NKAIN3: variants seen among roughly 807,000 people sequenced by gnomAD.
NKAIN3 encodes sodium/potassium-transporting ATPase subunit beta-1-interacting protein 3.
NKAIN3 carries 25 observed loss-of-function variants against 30.2 expected under a neutral mutation model. That is an observed-to-expected ratio of 0.83 (90% CI 0.60 to 1.16). The LOEUF (loss-of-function observed/expected upper bound fraction) is 1.16, where lower values mean the gene tolerates loss of function less well. Ranked by LOEUF, NKAIN3 falls within the 50% of genes most tolerant of loss-of-function variation. The pLI, the probability that NKAIN3 is intolerant of heterozygous loss-of-function variation, is 0.00. For synonymous variants in NKAIN3, 91 were observed against 89.6 expected (o/e 1.02, Z -0.09); for missense variants, 225 against 254.1 (o/e 0.89, Z 0.78).
rs561673061 is a variant in NKAIN3, at chr8:62,481,282, C to T, written c.55-98257C>T. Among the ~76,000 whole-genome samples, 9 of 152,210 alleles carry T rather than the reference C, an allele frequency of 5.9e-5. No individual in the cohort carries two copies. In the South Asian group the frequency reaches 1.9e-3, roughly 32 times the overall value. On this transcript the variant is annotated intron_variant, in intron 1 of 6. Coordinates refer to ENST00000623646, the MANE Select transcript of NKAIN3 (RefSeq NM_001304533.3). The stretch of plus-strand genomic sequence containing the variant: ...TAATTCCTGGTGTATCCCTCACCAC[C>T]TCTGACCTGCACACCCCACCCTCTT...
rs1479569894 is a variant in NKAIN3 at position 62,980,875 on chromosome 8, A to G, written c.*15468A>G. On this transcript the variant is annotated 3_prime_UTR_variant, in exon 7 of 7. Transcript: ENST00000623646. The stretch of plus-strand genomic sequence containing the variant: ...TTTGGTGTTATGGATTTTAAGAATC[A>G]GTTGGTGTTAGAATTTTTAATAACA... 1 of 152,214 alleles carries G rather than the reference A, an allele frequency of 6.6e-6. No individual in the cohort carries two copies. The highest frequency in any genetic ancestry group is 1.5e-5 in the Non-Finnish European group (1 of 68,036). 9.4% of individuals were successfully genotyped at this position (152,214 alleles called of 1,614,324 possible).
At chr8:62,963,308 C>A (rs1170261247) in intron 6 of NKAIN3, among the ~76,000 whole-genome samples, 1 of 152,156 alleles carries the variant, frequency 6.6e-6, no homozygotes, top group Non-Finnish European at 1.5e-5. Flanking sequence ...AAAAACTCCC[C>A]ACAGACATGT....
In NKAIN3 at chr8:62,269,672, A is replaced by G. The variant is rs1812719264; in HGVS notation, c.54+20545A>G. 2.6e-5 allele frequency among the ~76,000 whole-genome samples: 4 copies of G among 152,282 alleles called. No individual in the cohort carries two copies. The South Asian group carries it at 8.3e-4, about 32-fold the overall frequency. ...CTGAAAATGTATTACTTATTAAACTATGTGGATCCACCTTAAGGTATGTTT... is the reference window on the plus strand; with the variant it reads ...CTGAAAATGTATTACTTATTAAACTGTGTGGATCCACCTTAAGGTATGTTT... On this transcript the variant is annotated intron_variant, in intron 1 of 6. Coordinates refer to ENST00000623646, the MANE Select transcript of NKAIN3 (RefSeq NM_001304533.3).
At chr8:62,822,981 G>T (rs1482994344) in intron 4 of NKAIN3, among the ~76,000 whole-genome samples, 2 of 152,126 alleles carry the variant, frequency 1.3e-5, no homozygotes, top group Admixed American at 6.6e-5. Context: ...TCTAAACATA[G>T]AACAGGTACA....
intron 5 of NKAIN3, among the ~76,000 whole-genome samples, chr8:62,929,542 C>G (rs1439455032): frequency 1.3e-5 from 2 of 152,106 alleles, no homozygotes; most frequent in Non-Finnish European, 2.9e-5. Flanking sequence ...CTGTGTTTTC[C>G]TCCTAACTGA....
At chr8:62,628,345 A>T (rs546626788) in intron 3 of NKAIN3, among the ~76,000 whole-genome samples, 2 of 152,242 alleles carry the variant, frequency 1.3e-5, no homozygotes, top group Non-Finnish European at 2.9e-5. Flanking sequence ...GATGTACTAA[A>T]GTTTTCCCGC....
At chr8:62,636,460 A>G (rs1274867036) in intron 3 of NKAIN3, among the ~76,000 whole-genome samples, 1 of 152,210 alleles carries the variant, frequency 6.6e-6, no homozygotes, top group East Asian at 1.9e-4. Context: ...ATGGTGTAAA[A>G]TGGACAATAA....
At chr8:62,372,202 T>C (rs16928781) in intron 1 of NKAIN3, among the ~76,000 whole-genome samples, 20,962 of 151,730 alleles carry the variant, frequency 0.14, 1,735 homozygotes, top group East Asian at 0.4. Context: ...GTATAGGGCA[T>C]TTACTTAAAA....
At chr8:62,431,612 T>TGG (rs1263384557) in intron 1 of NKAIN3, among the ~76,000 whole-genome samples, 1 of 151,890 alleles carries the variant, frequency 6.6e-6, no homozygotes, top group Non-Finnish European at 1.5e-5. Context: ...CCAAATAACA[T>TGG]CTTTGTGTTT....
chr8:62,820,802 G>T (rs1175458855), intron 4 of NKAIN3, among the ~76,000 whole-genome samples: 1 of 152,098 alleles, frequency 6.6e-6, no homozygotes, highest in Non-Finnish European at 1.5e-5. Flanking sequence ...TTAGGGAGCT[G>T]TAAGAATCCA....
At chr8:62,603,839 A>T (rs1811049264) in intron 3 of NKAIN3, among the ~76,000 whole-genome samples, 1 of 152,150 alleles carries the variant, frequency 6.6e-6, no homozygotes, top group African/African-American at 2.4e-5. Flanking sequence ...TTCTGAGAAG[A>T]TTAAATCAAA....
intron 1 of NKAIN3, among the ~76,000 whole-genome samples, chr8:62,500,717 G>T (rs1807421354): frequency 6.6e-6 from 1 of 152,170 alleles, no homozygotes; most frequent in Admixed American, 6.5e-5. Context: ...AAGGGACAAG[G>T]ATACTGCCGG....
chr8:62,312,876 T>C (rs559379906), intron 1 of NKAIN3, among the ~76,000 whole-genome samples: 3 of 151,574 alleles, frequency 2.0e-5, no homozygotes, highest in Non-Finnish European at 2.9e-5. Flanking sequence ...GAGTTTACAA[T>C]TGCAAGGCTT....
chr8:62,746,449 T>C (rs1042869294), intron 3 of NKAIN3, among the ~76,000 whole-genome samples: 1 of 152,212 alleles, frequency 6.6e-6, no homozygotes, highest in Non-Finnish European at 1.5e-5. Flanking sequence ...TGGAGGCAAT[T>C]ATTCAGCCTG....
Position 62,589,751 on chromosome 8 carries a change from T to G in NKAIN3, c.230T>G (p.Val77Gly). Residue 77 changes from valine to glycine, a missense_variant, in exon 3 of 7, where the codon GTG (valine) becomes GGG (glycine). Coordinates refer to ENST00000623646, the MANE Select transcript of NKAIN3 (RefSeq NM_001304533.3). ...VWTALWVTWN[V>G]FIICFYLEVG... is the part of the protein sequence containing the mutation. The stretch of plus-strand genomic sequence containing the variant: ...ACTGCCCTCTGGGTCACCTGGAATG[T>G]GTTCATTATCTGCTTTTATTTGGAA... The G allele has an allele frequency of 6.2e-7, 1 of 1,606,090 alleles. No individual in the cohort carries two copies. Among genetic ancestry groups the G allele is most frequent in the South Asian group, 1.1e-5 (1 of 90,624 alleles).
At chr8:62,479,785 G>C (rs930289537) in intron 1 of NKAIN3, among the ~76,000 whole-genome samples, 3 of 152,024 alleles carry the variant, frequency 2.0e-5, no homozygotes, top group Admixed American at 2.0e-4. Flanking sequence ...CAGAGTAAAT[G>C]TCCAGAAGTA....
rs142600023 is a variant in NKAIN3, at chr8:62,873,011, C to T, written c.472-45442C>T. Among the ~76,000 whole-genome samples, 287 of 152,142 alleles carry T rather than the reference C, an allele frequency of 1.9e-3. 3 individuals are homozygous for T. The highest frequency in any genetic ancestry group is 6.1e-3 in the African/African-American group (252 of 41,520). ...ATGACAGGATCAAATTCACACATAA[C>T]AATACTAACCTTAAATGTAAAAGAC... On this transcript the variant is annotated intron_variant, in intron 4 of 6. Transcript: ENST00000623646.
At chr8:62,420,501 G>A (rs532899576) in intron 1 of NKAIN3, among the ~76,000 whole-genome samples, 14 of 152,080 alleles carry the variant, frequency 9.2e-5, no homozygotes, top group Non-Finnish European at 1.6e-4. Context: ...TGAAAATTTT[G>A]TATTCCTTTC....
chr8:62,316,404 A>T (rs1424500808), intron 1 of NKAIN3, among the ~76,000 whole-genome samples: 1 of 151,000 alleles, frequency 6.6e-6, no homozygotes, highest in Non-Finnish European at 1.5e-5. Context: ...AACATTAGGT[A>T]TATCTCCTAA....
Sources: allele counts gnomAD v4.1 joint callset (sites outside exome capture counted in the v4.1 genomes callset), GRCh38; gene constraint gnomAD v4.1.1; transcripts MANE v1.5; gene names NCBI Gene and HGNC (gene_info 2026-07-23, HGNC 2026-07-21).